DIO1: variants seen among roughly 807,000 people sequenced by gnomAD.
DIO1 encodes the protein iodothyronine deiodinase 1.
Under a neutral mutation model 25.9 loss-of-function variants are expected in DIO1, and 17 were observed. The ratio of observed to expected loss-of-function variants is 0.66; its 90% CI spans 0.45 to 0.98. The LOEUF (loss-of-function observed/expected upper bound fraction) is 0.98, where lower values mean the gene tolerates loss of function less well. DIO1 is among the 50% of genes least tolerant of loss of function. The pLI is 0.00. For missense variants in DIO1, 270 were observed against 310.4 expected (o/e 0.87, Z 0.98); for synonymous variants, 115 against 114.0 (o/e 1.01, Z -0.05).
chr1:53,906,578 G>C (rs1651667644), intron 3 of DIO1, among the ~76,000 whole-genome samples: 1 of 152,224 alleles, frequency 6.6e-6, no homozygotes, highest in Admixed American at 6.5e-5. Context: ...TTTGAACCCA[G>C]ATGATGGCCC....
chr1:53,906,917 G>A (rs978174098), intron 3 of DIO1, among the ~76,000 whole-genome samples: 3 of 152,230 alleles, frequency 2.0e-5, no homozygotes, highest in African/African-American at 7.2e-5. Context: ...GCCTCCCAAA[G>A]TGTTGGGATA....
At chr1:53,898,021 C>G (rs1272971446) in intron 1 of DIO1, among the ~76,000 whole-genome samples, 12 of 152,144 alleles carry the variant, frequency 7.9e-5, no homozygotes, top group Non-Finnish European at 1.6e-4. Flanking sequence ...GGCCTCTGCC[C>G]TGGAAGGCCT....
intron 3 of DIO1, among the ~76,000 whole-genome samples, chr1:53,909,085 C>G (rs1323907281): frequency 7.1e-6 from 1 of 140,080 alleles, no homozygotes; most frequent in Non-Finnish European, 1.5e-5. Context: ...CAGAGTGAGA[C>G]TCTCTCAAAA....
At chr1:53,905,248 C>T (rs1651595265) in intron 2 of DIO1, among the ~76,000 whole-genome samples, 1 of 148,744 alleles carries the variant, frequency 6.7e-6, no homozygotes, top group Non-Finnish European at 1.5e-5. Context: ...TCACATGGCT[C>T]ACTGCAGCCT....
At chr1:53,909,449 T>A (rs527676519) in intron 3 of DIO1, among the ~76,000 whole-genome samples, 1 of 150,182 alleles carries the variant, frequency 6.7e-6, no homozygotes, top group African/African-American at 2.4e-5. Flanking sequence ...TGGTTCCTGG[T>A]TGAAAAATGG....
At chr1:53,904,956 C>A in intron 2 of DIO1, 147 bp downstream of exon 2, 1 of 826,028 alleles carries the variant, frequency 1.2e-6, no homozygotes, top group Non-Finnish European at 1.9e-6. Context: ...ACCCACCACT[C>A]CCAGGCCCTG....
At chr1:53,899,081 C>T (rs1651228671) in intron 1 of DIO1, among the ~76,000 whole-genome samples, 2 of 152,114 alleles carry the variant, frequency 1.3e-5, no homozygotes, top group Non-Finnish European at 1.5e-5. Flanking sequence ...CGTCCACACA[C>T]GCACACACAC....
chr1:53,894,239 T>G lies in DIO1; in HGVS notation c.29T>G (p.Leu10Arg). The change falls in exon 1 of 4, where the codon CTG becomes CGG. Residue 10 changes from leucine to arginine, a missense_variant. Transcript: ENST00000361921. The surrounding 1 kb of genome is among the most constrained non-coding windows in gnomAD (Gnocchi z 4.9). ...GGGCTGCCCCAGCCAGGGCTGTGGCTGAAGAGGCTCTGGGTGCTCTTGGAG... is the reference window on the plus strand; with the variant it reads ...GGGCTGCCCCAGCCAGGGCTGTGGCGGAAGAGGCTCTGGGTGCTCTTGGAG... MGLPQPGLWLKRLWVLLEVA... is the reference protein window; with the variant it reads MGLPQPGLWRKRLWVLLEVA... 1 of 1,614,070 alleles carries G rather than the reference T, an allele frequency of 6.2e-7. No individual in the cohort carries two copies. Among genetic ancestry groups the G allele is most frequent in the South Asian group, 1.1e-5 (1 of 91,072 alleles).
At chr1:53,902,681 T>A (rs575314897) in intron 1 of DIO1, among the ~76,000 whole-genome samples, 2 of 151,890 alleles carry the variant, frequency 1.3e-5, no homozygotes, top group Admixed American at 6.5e-5. Flanking sequence ...GGAGGCCAGC[T>A]GCTCCCCAGA....
Position 53,906,296 on chromosome 1 carries a change from TG to T in DIO1, c.681+4del. The T allele has an allele frequency of 6.2e-7, 1 of 1,608,230 alleles. No individual in the cohort carries two copies. Among genetic ancestry groups the T allele is most frequent in the Non-Finnish European group, 8.5e-7 (1 of 1,176,564 alleles). Reference sequence around the variant, plus strand: ...CAGGAGGGCAGGATCCTCTACAAGGTGGTGACCTGGGGACAGGGGGCCCAGG... The same window carrying T: ...CAGGAGGGCAGGATCCTCTACAAGGTGTGACCTGGGGACAGGGGGCCCAGG... On this transcript the variant is annotated splice_donor_region_variant and intron_variant, in intron 3 of 3. Coordinates refer to ENST00000361921, the MANE Select transcript of DIO1 (RefSeq NM_000792.7).
chr1:53,909,824 C>T, intron 3 of DIO1, 107 bp from the exon 4 acceptor site: 1 of 1,058,414 alleles, frequency 9.4e-7, no homozygotes, highest in Non-Finnish European at 1.5e-6. Flanking sequence ...ATGGCTCCTA[C>T]ACAGACATCA....
chr1:53,910,020 C>T lies in DIO1; in HGVS notation c.*21C>T, dbSNP rs758888417. The T allele has an allele frequency of 6.2e-7, 1 of 1,610,548 alleles. No individual in the cohort carries two copies. Among genetic ancestry groups the T allele is most frequent in the South Asian group, 1.1e-5 (1 of 91,022 alleles). On this transcript the variant is annotated 3_prime_UTR_variant, in exon 4 of 4. Transcript: ENST00000361921. The stretch of plus-strand genomic sequence containing the variant: ...GTTAATCTGGACAGATACCTCAATT[C>T]TAGGTGACCAACGGGAGGGCTTCTC...
intron 1 of DIO1, among the ~76,000 whole-genome samples, chr1:53,903,781 G>A (rs1179003111): frequency 6.6e-6 from 1 of 151,862 alleles, no homozygotes; most frequent in South Asian, 2.1e-4. Context: ...CCCCGGAGGC[G>A]GAGTTTGCAG....
Position 53,896,760 on chromosome 1 carries a change from A to T in DIO1, c.337+2213A>T, listed in dbSNP as rs72662380. On this transcript the variant is annotated intron_variant, in intron 1 of 3. Transcript: ENST00000361921. Reference sequence around the variant, plus strand: ...CTATGAAATGGGGGAGGCTATAAAAAAATAGAACTTTTGCCTGGAGGACTT... The same window carrying T: ...CTATGAAATGGGGGAGGCTATAAAATAATAGAACTTTTGCCTGGAGGACTT... Among the ~76,000 whole-genome samples, 1,077 of 152,338 alleles carry T rather than the reference A, an allele frequency of 7.1e-3. 3 individuals carry two copies. The highest frequency in any genetic ancestry group is 0.012 in the Non-Finnish European group (821 of 68,036).
At chr1:53,908,917 C>A (rs1315594899) in intron 3 of DIO1, among the ~76,000 whole-genome samples, 2 of 151,974 alleles carry the variant, frequency 1.3e-5, no homozygotes, top group African/African-American at 2.4e-5. Context: ...CATGGTGAAA[C>A]CCTGTCTCTA....
At position 53,894,332 on chromosome 1, in the gene DIO1, T is replaced by C. The variant is rs763205452; in HGVS notation, c.122T>C (p.Ile41Thr). The C allele has an allele frequency of 1.4e-5, 22 of 1,614,080 alleles. No individual in the cohort carries two copies. Among genetic ancestry groups the C allele is most frequent in the Non-Finnish European group, 1.9e-5 (22 of 1,180,044 alleles). ...TTTCCAGACAGAGTCAAGCGGAACA[T>C]CCTGGCCATGGGCGAGAAGACGGGT... Reference protein sequence around the residue: ...ILFPDRVKRNILAMGEKTGMT... With the variant: ...ILFPDRVKRNTLAMGEKTGMT... The change falls in exon 1 of 4, where the codon ATC becomes ACC. Residue 41 changes from isoleucine (I) to threonine (T), a missense_variant. Ile to Thr is a moderately conservative substitution (Grantham distance 89). Coordinates refer to ENST00000361921, the MANE Select transcript of DIO1 (RefSeq NM_000792.7). The surrounding 1 kb of genome is among the most constrained non-coding windows in gnomAD (Gnocchi z 4.9).
intron 1 of DIO1, among the ~76,000 whole-genome samples, chr1:53,898,617 C>T (rs920669804): frequency 2.0e-5 from 3 of 151,886 alleles, no homozygotes; most frequent in Non-Finnish European, 4.4e-5. Context: ...TCGTGGCATG[C>T]GCCTGTAATC....
chr1:53,911,021 G>C lies in DIO1; in HGVS notation c.*1022G>C, dbSNP rs1470703871. ...CCTAAAGTACACACGGCTGTGACTT[G>C]ATTCAAAAGAAAATGTTATAAGATG... On this transcript the variant is annotated 3_prime_UTR_variant, in exon 4 of 4. Transcript: ENST00000361921. The C allele has an allele frequency of 6.6e-6, 1 of 152,638 alleles. No individual in the cohort carries two copies. The highest frequency in any genetic ancestry group is 1.5e-5 in the Non-Finnish European group (1 of 68,034). 9.5% of individuals were successfully genotyped at this position (152,638 alleles called of 1,614,324 possible).
intron 1 of DIO1, among the ~76,000 whole-genome samples, chr1:53,897,495 T>TATATAATAAA (rs1553157666): frequency 5.3e-5 from 8 of 151,370 alleles, no homozygotes; most frequent in African/African-American, 1.9e-4. Context: ...TAAAATAAAA[T>TATATAATAAA]ATAAAATAAA....
Sources: allele counts gnomAD v4.1 joint callset (sites outside exome capture counted in the v4.1 genomes callset), GRCh38; gene constraint gnomAD v4.1.1; non-coding constraint Gnocchi (gnomAD v3.1); transcripts MANE v1.5; gene names NCBI Gene and HGNC (gene_info 2026-07-23, HGNC 2026-07-21).